Variants in GNB1L observed in about 807,000 individuals in gnomAD.
The protein encoded by GNB1L is guanine nucleotide-binding protein subunit beta-like protein 1.
Under a neutral mutation model 29.1 loss-of-function variants are expected in GNB1L, and 20 were observed. That is an observed-to-expected ratio of 0.69 (90% CI 0.48 to 1.00). The LOEUF (loss-of-function observed/expected upper bound fraction) is 1.00, where lower values mean the gene tolerates loss of function less well. Ranked by LOEUF, GNB1L falls within the 50% of genes least tolerant of loss-of-function variation. The pLI is 0.00. For synonymous variants in GNB1L, 193 were observed against 206.5 expected (o/e 0.93, Z 0.56); for missense variants, 421 against 464.9 (o/e 0.91, Z 0.87).
chr22:19,841,170 T>C (rs1380724144), intron 2 of GNB1L, among the ~76,000 whole-genome samples: 2 of 152,202 alleles, frequency 1.3e-5, no homozygotes, highest in East Asian at 1.9e-4. Flanking sequence ...CCATTAGTCA[T>C]GCGCAGAGCA....
chr22:19,799,458 C>A lies in GNB1L; in HGVS notation c.732+2543G>T, dbSNP rs182352299. Reference sequence around the variant, plus strand: ...GCCCCTGGCCAAGCCCCAGCCTGGACCTGGGCCTTCCAGGAAGGATCTCTG... The same window carrying A: ...GCCCCTGGCCAAGCCCCAGCCTGGAACTGGGCCTTCCAGGAAGGATCTCTG... On this transcript the variant is annotated intron_variant, in intron 7 of 7. Coordinates refer to ENST00000329517, the MANE Select transcript of GNB1L (RefSeq NM_053004.3). 1.0e-3 allele frequency among the ~76,000 whole-genome samples: 152 copies of A among 152,358 alleles called. 1 individual carries two copies. Among genetic ancestry groups the A allele is most frequent in the African/African-American group, 3.6e-3 (148 of 41,586 alleles).
At chr22:19,806,084 C>A (rs1251018587) in intron 6 of GNB1L, among the ~76,000 whole-genome samples, 2 of 152,184 alleles carry the variant, frequency 1.3e-5, no homozygotes, top group East Asian at 3.8e-4. Context: ...GCAACCCCGA[C>A]CTGTGCCCCG....
In GNB1L at chr22:19,783,480, T is replaced by G. The variant is rs1937161828; in HGVS notation, c.*5229A>C. 2 of 264,356 alleles carry G rather than the reference T, an allele frequency of 7.6e-6. No individual in the cohort carries two copies. The highest frequency in any genetic ancestry group is 9.8e-5 in the East Asian group (1 of 10,192). The allele number at this position is 264,356 out of a possible 1,614,324, so 16.4% of individuals were successfully genotyped here. On this transcript the variant is annotated 3_prime_UTR_variant, in exon 8 of 8. Coordinates refer to ENST00000329517, the MANE Select transcript of GNB1L (RefSeq NM_053004.3). ...CAGGAGGATCACTTGAGCCTATTAGTTGGAGGCTGCAGTAAGCTATGATCA... is the reference window on the plus strand; with the variant it reads ...CAGGAGGATCACTTGAGCCTATTAGGTGGAGGCTGCAGTAAGCTATGATCA...
Position 19,788,913 on chromosome 22 carries a change from C to T in GNB1L, c.780G>A (p.Thr260=), listed in dbSNP as rs768760583. ...ELTNPGIAEV[T]IRPDRKILAT... ...CCAGGATCTTGCGATCTGGCCGGATCGTGACCTCGGCGATCCCGGGATTGG... is the reference window on the plus strand; with the variant it reads ...CCAGGATCTTGCGATCTGGCCGGATTGTGACCTCGGCGATCCCGGGATTGG... The change falls in exon 8 of 8, where the codon ACG becomes ACA. Residue 260 remains threonine (T), a synonymous_variant. Transcript: ENST00000329517. The T allele has an allele frequency of 9.3e-6, 15 of 1,611,698 alleles. No homozygotes were observed. Among genetic ancestry groups the T allele is most frequent in the Admixed American group, 3.3e-5 (2 of 59,976 alleles).
chr22:19,853,003 C>G (rs1474813956), intron 2 of GNB1L, among the ~76,000 whole-genome samples: 1 of 152,156 alleles, frequency 6.6e-6, no homozygotes, highest in Non-Finnish European at 1.5e-5. Context: ...ACGCACAGAC[C>G]GCGTCGTCAT....
At chr22:19,850,244 C>A in intron 2 of GNB1L, 1 of 985,584 alleles carries the variant, frequency 1.0e-6, no homozygotes, top group African/African-American at 1.7e-5. Flanking sequence ...AGCCAGTAAT[C>A]CAACACGTGT....
Position 19,783,299 on chromosome 22 carries a change from C to T in GNB1L, c.*5410G>A, listed in dbSNP as rs943425750. 2.3e-5 allele frequency: 10 copies of T among 438,986 alleles called. No individual in the cohort carries two copies. Among genetic ancestry groups the T allele is most frequent in the Non-Finnish European group, 4.3e-5 (10 of 234,380 alleles). The allele number at this position is 438,986 out of a possible 1,614,324, so 27.2% of individuals were successfully genotyped here. The stretch of plus-strand genomic sequence containing the variant: ...GGCCAAATGACTCGATTTCTCTACA[C>T]CCCACATTTTACAGGTTTCAGAGCC... On this transcript the variant is annotated 3_prime_UTR_variant, in exon 8 of 8. Coordinates refer to ENST00000329517, the MANE Select transcript of GNB1L (RefSeq NM_053004.3).
intron 5 of GNB1L, among the ~76,000 whole-genome samples, chr22:19,809,248 G>A (rs975826023): frequency 6.6e-6 from 1 of 151,874 alleles, no homozygotes; most frequent in Non-Finnish European, 1.5e-5. Flanking sequence ...CACACCGACA[G>A]AGGCTGGCAT....
chr22:19,788,193 C>A lies in GNB1L; in HGVS notation c.*516G>T, dbSNP rs951492666. Reference sequence around the variant, plus strand: ...GGCCTCAACCTGTGTGTTGGGAGCTCCTGGCCTCCTCGGGGTGAGGGGTCA... The same window carrying A: ...GGCCTCAACCTGTGTGTTGGGAGCTACTGGCCTCCTCGGGGTGAGGGGTCA... On this transcript the variant is annotated 3_prime_UTR_variant, in exon 8 of 8. Transcript: ENST00000329517. 1 of 235,318 alleles carries A rather than the reference C, an allele frequency of 4.2e-6. No homozygotes were observed. The highest frequency in any genetic ancestry group is 8.9e-5 in the South Asian group (1 of 11,226). The allele number at this position is 235,318 out of a possible 1,614,324, so 14.6% of individuals were successfully genotyped here.
At chr22:19,801,414 C>T (rs545061107) in intron 7 of GNB1L, among the ~76,000 whole-genome samples, 74 of 151,080 alleles carry the variant, frequency 4.9e-4, no homozygotes, top group Middle Eastern at 3.4e-3. Context: ...AACAGGGCCA[C>T]GTGTAGGCCA....
chr22:19,805,014 G>C (rs981947111), intron 6 of GNB1L, among the ~76,000 whole-genome samples: 16 of 152,212 alleles, frequency 1.1e-4, no homozygotes, highest in Non-Finnish European at 2.2e-4. Flanking sequence ...TCAAGCCCTT[G>C]GAGGAGCCTT....
In GNB1L at chr22:19,843,326, C is replaced by T. The variant is rs12106511; in HGVS notation, c.-21+11117G>A. 2.0e-5 allele frequency among the ~76,000 whole-genome samples: 3 copies of T among 152,372 alleles called. No individual in the cohort carries two copies. In the East Asian group the frequency reaches 5.8e-4, roughly 29 times the overall value. On this transcript the variant is annotated intron_variant, in intron 2 of 7. Transcript: ENST00000329517. ...TCATTGAATCCTCTGTCAGTATCCG[C>T]CTTTGGAAGCGCCCAGGCGGGCAGG...
chr22:19,812,239 C>T (rs758120138), intron 5 of GNB1L, 46 bp downstream of exon 5: 5 of 1,589,172 alleles, frequency 3.1e-6, no homozygotes, highest in South Asian at 1.1e-5. Context: ...AGAGGATGAG[C>T]ACAACTGTTT....
intron 4 of GNB1L, among the ~76,000 whole-genome samples, chr22:19,815,401 G>A (rs982172278): frequency 3.9e-5 from 6 of 152,168 alleles, no homozygotes; most frequent in African/African-American, 9.7e-5. Context: ...CACAGCCCCC[G>A]TGGCTCTGCT....
intron 6 of GNB1L, among the ~76,000 whole-genome samples, chr22:19,804,989 C>A (rs1937416215): frequency 2.0e-5 from 3 of 152,200 alleles, no homozygotes; most frequent in Admixed American, 2.0e-4. Flanking sequence ...GTTTTTCCTC[C>A]CAGCGGAGCC....
chr22:19,784,493 C>T lies in GNB1L; in HGVS notation c.*4216G>A, dbSNP rs965184507. 5.9e-5 allele frequency: 9 copies of T among 152,386 alleles called. No homozygotes were observed. The highest frequency in any genetic ancestry group is 2.1e-4 in the South Asian group (1 of 4,824). 9.4% of individuals were successfully genotyped at this position (152,386 alleles called of 1,614,324 possible). ...GCCGTCTGTTGGCCTGCAGGTAACA[C>T]GCAGGGAGGAAGGAAAAGGCTCTAG... On this transcript the variant is annotated 3_prime_UTR_variant, in exon 8 of 8. Coordinates refer to ENST00000329517, the MANE Select transcript of GNB1L (RefSeq NM_053004.3).
chr22:19,803,079 G>A (rs1186403977), intron 6 of GNB1L, among the ~76,000 whole-genome samples: 1 of 152,238 alleles, frequency 6.6e-6, no homozygotes, highest in African/African-American at 2.4e-5. Context: ...ACAAGGACCA[G>A]GGCTCGCTGC....
At chr22:19,817,097 G>A (rs1937532147) in intron 4 of GNB1L, among the ~76,000 whole-genome samples, 1 of 152,246 alleles carries the variant, frequency 6.6e-6, no homozygotes, top group African/African-American at 2.4e-5. Flanking sequence ...GGACCTCGGT[G>A]CAGGAACTCC....
intron 4 of GNB1L, 39 bp from the exon 5 acceptor site, chr22:19,812,486 G>A (rs1937509902): frequency 3.8e-6 from 6 of 1,578,056 alleles, no homozygotes; most frequent in Non-Finnish European, 4.3e-6. Context: ...GACTCCCCTT[G>A]ACAAGTGTCA....
Sources: gnomAD v4.1 joint callset for allele counts (sites outside exome capture counted in the v4.1 genomes callset) on GRCh38, gnomAD v4.1.1 for gene constraint, MANE v1.5 for transcripts, NCBI Gene and HGNC (gene_info 2026-07-23, HGNC 2026-07-21) for gene names.